PDE4A: variants seen among roughly 807,000 people sequenced by gnomAD.
PDE4A encodes phosphodiesterase 4A, also known as 3',5'-cyclic-AMP phosphodiesterase 4A.
In PDE4A, 21 loss-of-function variants were observed where a neutral mutation model predicts 73.9. The ratio of observed to expected loss-of-function variants is 0.28; its 90% CI spans 0.20 to 0.41. The LOEUF is 0.41. PDE4A is among the 10% of genes least tolerant of loss of function. The probability of loss-of-function intolerance (pLI) is 1.00; values close to 1 mark genes in which losing one functional copy is unlikely to be tolerated. For missense variants in PDE4A, 958 were observed against 1,211.4 expected (o/e 0.79, Z 3.10); for synonymous variants, 463 against 505.4 (o/e 0.92, Z 1.13).
chr19:10,439,489 A>G (rs2042908881), intron 1 of PDE4A, among the ~76,000 whole-genome samples: 2 of 152,030 alleles, frequency 1.3e-5, no homozygotes, highest in East Asian at 3.9e-4. Flanking sequence ...GCCTACAAAC[A>G]TTTTTGATTG....
At chr19:10,448,258 C>G (rs1047228952) in intron 2 of PDE4A, among the ~76,000 whole-genome samples, 2 of 151,852 alleles carry the variant, frequency 1.3e-5, no homozygotes, top group Non-Finnish European at 2.9e-5. Context: ...CGTCACCACA[C>G]CCAGCTAATT....
intron 2 of PDE4A, among the ~76,000 whole-genome samples, chr19:10,447,217 CTTTTT>C (rs34169084): frequency 3.4e-5 from 2 of 59,196 alleles, no homozygotes; most frequent in East Asian, 6.6e-4. Flanking sequence ...CTTTTTTTCT[CTTTTT>C]TTTTTTTTTT....
intron 1 of PDE4A, among the ~76,000 whole-genome samples, chr19:10,439,714 G>A (rs768670873): frequency 6.6e-6 from 1 of 152,100 alleles, no homozygotes; most frequent in African/African-American, 2.4e-5. Flanking sequence ...GCTGAGAGAC[G>A]GGGTGGATGG....
rs80276934 is a variant in PDE4A, at chr19:10,463,151, C to T, written c.1744-642C>T. ...TCTCTGTCACCCAGGCTAGAGGGCACGGATCTTGGTTCCCTGCAAACTCCG... is the reference window on the plus strand; with the variant it reads ...TCTCTGTCACCCAGGCTAGAGGGCATGGATCTTGGTTCCCTGCAAACTCCG... On this transcript the variant is annotated intron_variant, in intron 13 of 14. Coordinates refer to ENST00000380702, the MANE Select transcript of PDE4A (RefSeq NM_001111307.2). Among the ~76,000 whole-genome samples, 3,215 of 150,860 alleles carry T rather than the reference C, an allele frequency of 0.021. 334 individuals carry two copies. The East Asian group carries it at 0.33, about 15-fold the overall frequency.
upstream of PDE4A, chr19:10,416,879 T>G: frequency 4.6e-6 from 7 of 1,534,412 alleles, no homozygotes; most frequent in South Asian, 7.1e-5. Context: ...GGCTTGGTCT[T>G]GTAGGAGGCC....
chr19:10,467,812 T>C lies in PDE4A; in HGVS notation c.*191T>C. On this transcript the variant is annotated 3_prime_UTR_variant, in exon 15 of 15. Coordinates refer to ENST00000380702, the MANE Select transcript of PDE4A (RefSeq NM_001111307.2). The stretch of plus-strand genomic sequence containing the variant: ...TGCCCCCACCCACGGGGCCTTTTTT[T>C]GGAGGTGGGGGCTGGGGAATGAGGG... 2.3e-6 allele frequency: 1 copy of C among 430,484 alleles called. No individual in the cohort carries two copies. Among genetic ancestry groups the C allele is most frequent in the Non-Finnish European group, 4.0e-6 (1 of 247,250 alleles). The allele number at this position is 430,484 out of a possible 1,614,324, so 26.7% of individuals were successfully genotyped here. A position where few individuals can be genotyped will look rare whatever the true frequency, so the allele number is the denominator to read the frequency against.
At chr19:10,422,406 A>C (rs1202593203) in intron 1 of PDE4A, among the ~76,000 whole-genome samples, 1 of 152,040 alleles carries the variant, frequency 6.6e-6, no homozygotes, top group Non-Finnish European at 1.5e-5. Flanking sequence ...GGTGTCCTCT[A>C]ACCACCTGGT....
Position 10,450,876 on chromosome 19 carries a change from TGG to T in PDE4A, c.719_720del (p.Trp240LeufsTer29). ...LARETLEELDWCLEQLETMQT... is the reference protein window; with the variant it reads ...LARETLEELDXCLEQLETMQT... ...CCGGGAGACTCTGGAGGAGCTGGAC[TGG>T]TGTCTGGAGCAGCTGGAGACCATGC... On this transcript the variant is annotated frameshift_variant, in exon 6 of 15. Transcript: ENST00000380702. LOFTEE classifies it high-confidence loss of function. The T allele has an allele frequency of 6.2e-7, 1 of 1,612,160 alleles. No homozygotes were observed. The highest frequency in any genetic ancestry group is 8.5e-7 in the Non-Finnish European group (1 of 1,179,244).
intron 7 of PDE4A, chr19:10,457,653 G>T (rs953168688): frequency 3.4e-6 from 1 of 291,830 alleles, no homozygotes; most frequent in African/African-American, 2.3e-5. Flanking sequence ...TGATCAGACC[G>T]GGGCCATCCC....
At chr19:10,450,681 GC>G (rs757962794) in intron 5 of PDE4A, 29 bp downstream of exon 5, 71 of 1,596,380 alleles carry the variant, frequency 4.4e-5, no homozygotes, top group Non-Finnish European at 5.6e-5. Flanking sequence ...GTGGGAAGGG[GC>G]CCCCCTTGCT....
At position 10,467,653 on chromosome 19, in the gene PDE4A, TC is replaced by T; in HGVS notation, c.*34del. 4.7e-6 allele frequency: 7 copies of T among 1,479,830 alleles called. No homozygotes were observed. The highest frequency in any genetic ancestry group is 6.4e-6 in the Non-Finnish European group (7 of 1,100,286). The allele number at this position is 1,479,830 out of a possible 1,614,324, so 91.7% of individuals were successfully genotyped here. A position where few individuals can be genotyped will look rare whatever the true frequency, so the allele number is the denominator to read the frequency against. ...GACCTCTGTCCCTGTTCCCCTCCAC[TC>T]CTCCCCTCACTCCCCTGCTCCCCCG... On this transcript the variant is annotated 3_prime_UTR_variant, in exon 15 of 15. Transcript: ENST00000380702.
intron 11 of PDE4A, 45 bp downstream of exon 11, chr19:10,461,148 G>A (rs745730323): frequency 1.9e-6 from 3 of 1,594,642 alleles, no homozygotes; most frequent in Non-Finnish European, 2.6e-6. Flanking sequence ...GTTGGAGGCG[G>A]TGTTGGCCAG....
Position 10,420,995 on chromosome 19 carries a change from C to G in PDE4A, c.231C>G (p.Pro77=). ...RADAMDTSDR[P]GLRTTRMSWP... The stretch of plus-strand genomic sequence containing the variant: ...ATGCCATGGACACCAGCGACCGGCC[C>G]GGCCTGCGCACGACCCGCATGTCCT... Residue 77 remains proline (P), a synonymous_variant, in exon 1 of 15, where the codon CCC becomes CCG. Transcript: ENST00000380702. The surrounding 1 kb of genome is among the most constrained non-coding windows in gnomAD (Gnocchi z 6.0). 1 of 1,526,086 alleles carries G rather than the reference C, an allele frequency of 6.6e-7. No individual in the cohort carries two copies. The highest frequency in any genetic ancestry group is 1.2e-5 in the South Asian group (1 of 82,310). The allele number at this position is 1,526,086 out of a possible 1,614,324, so 94.5% of individuals were successfully genotyped here.
chr19:10,417,048 G>A (rs1266066348), upstream of PDE4A: 25 of 1,523,358 alleles, frequency 1.6e-5, no homozygotes, highest in Non-Finnish European at 2.0e-5. Context: ...GGAGACTAGC[G>A]CCCTCTAGTG....
chr19:10,449,585 C>G (rs911891087), intron 4 of PDE4A, among the ~76,000 whole-genome samples: 2 of 152,086 alleles, frequency 1.3e-5, no homozygotes, highest in East Asian at 3.9e-4. Context: ...GTCTCAAACT[C>G]CTGACCTTTG....
At chr19:10,420,438 T>C (rs963576896), upstream of PDE4A, 7 of 827,958 alleles carry the variant, frequency 8.5e-6, no homozygotes, top group Admixed American at 7.2e-5. This position sits in a 1 kb window ranked among gnomAD's most constrained non-coding sequence, Gnocchi z 6.0. Flanking sequence ...GGGGCGGCGC[T>C]GACAGCCGCG....
intron 1 of PDE4A, among the ~76,000 whole-genome samples, chr19:10,421,572 C>T (rs939582470): frequency 6.6e-6 from 1 of 152,014 alleles, no homozygotes; most frequent in African/African-American, 2.4e-5. Context: ...GACTCTATTG[C>T]GGGGATGTTA....
In PDE4A at chr19:10,467,780, T is replaced by G; in HGVS notation, c.*159T>G. 1.9e-6 allele frequency: 1 copy of G among 535,424 alleles called. No individual in the cohort carries two copies. Among genetic ancestry groups the G allele is most frequent in the Non-Finnish European group, 3.0e-6 (1 of 331,824 alleles). The allele number at this position is 535,424 out of a possible 1,614,324, so 33.2% of individuals were successfully genotyped here. A position where few individuals can be genotyped will look rare whatever the true frequency, so the allele number is the denominator to read the frequency against. Reference sequence around the variant, plus strand: ...TTTTTCTGTTTTCTTTTTTTCCCCTTTCCCCCTGCCCCCACCCACGGGGCC... The same window carrying G: ...TTTTTCTGTTTTCTTTTTTTCCCCTGTCCCCCTGCCCCCACCCACGGGGCC... On this transcript the variant is annotated 3_prime_UTR_variant, in exon 15 of 15. Transcript: ENST00000380702.
At chr19:10,446,558 C>A in intron 2 of PDE4A, 149 bp downstream of exon 2, 1 of 848,482 alleles carries the variant, frequency 1.2e-6, no homozygotes, top group Non-Finnish European at 1.7e-6. Context: ...CAGCACCCTG[C>A]CCCTCCTATA....
Sources: gnomAD v4.1 joint callset for allele counts (sites outside exome capture counted in the v4.1 genomes callset) on GRCh38, gnomAD v4.1.1 for gene constraint, Gnocchi (gnomAD v3.1) non-coding constraint, MANE v1.5 for transcripts, NCBI Gene and HGNC (gene_info 2026-07-23, HGNC 2026-07-21) for gene names.